HTR2C: variants seen among roughly 807,000 people sequenced by gnomAD.
HTR2C encodes 5-hydroxytryptamine (serotonin) receptor 2C, G protein-coupled.
HTR2C carries 5 observed loss-of-function variants against 21.0 expected under a neutral mutation model. The observed-to-expected ratio is 0.24, with a 90% CI of 0.12 to 0.50. The LOEUF (loss-of-function observed/expected upper bound fraction) is 0.50, where lower values mean the gene tolerates loss of function less well. Ranked by LOEUF, HTR2C falls within the 20% of genes least tolerant of loss-of-function variation. The pLI, the probability that HTR2C is intolerant of heterozygous loss-of-function variation, is 0.98. For synonymous variants in HTR2C, 150 were observed against 145.3 expected, an observed-to-expected ratio of 1.03 and a Z score of -0.23; for missense variants, 271 against 371.2, an observed-to-expected ratio of 0.73 and a Z score of 2.22.
intron 4 of HTR2C, 150 bp from the exon 5 acceptor site, chrX:114,847,853 C>A: frequency 2.3e-6 from 1 of 427,356 alleles, no homozygotes; most frequent in Non-Finnish European, 4.0e-6. Flanking sequence ...TCATGATCAC[C>A]ATCATCATCC....
intron 2 of HTR2C, among the ~76,000 whole-genome samples, chrX:114,702,393 G>T (rs1932560902): frequency 9.1e-6 from 1 of 109,768 alleles, no homozygotes; most frequent in African/African-American, 3.3e-5. Context: ...AGAAGAGAGT[G>T]GGGGCCAATA....
chrX:114,807,118 T>C (rs149266812), intron 4 of HTR2C, among the ~76,000 whole-genome samples: 1,048 of 6,765 alleles, frequency 0.15, 419 homozygotes, highest in East Asian at 0.4. Flanking sequence ...TGTATATATA[T>C]ACCATATATA....
intron 2 of HTR2C, among the ~76,000 whole-genome samples, chrX:114,643,415 T>A (rs1350972185): frequency 9.0e-6 from 1 of 111,440 alleles, no homozygotes; most frequent in East Asian, 2.8e-4. Flanking sequence ...GCAAACTTCT[T>A]ATTGCCATAA....
chrX:114,786,362 A>G (rs782560623), intron 4 of HTR2C, among the ~76,000 whole-genome samples: 3 of 112,313 alleles, frequency 2.7e-5, no homozygotes, highest in Non-Finnish European at 3.8e-5. Context: ...ACCAAGATCC[A>G]TATAAAAGAA....
At chrX:114,820,568 C>G (rs1411229949) in intron 4 of HTR2C, among the ~76,000 whole-genome samples, 1 of 110,623 alleles carries the variant, frequency 9.0e-6, no homozygotes, top group Non-Finnish European at 1.9e-5. Context: ...TGAATTGTAT[C>G]TCCCAGAATT....
chrX:114,791,526 C>T (rs1341482821), intron 4 of HTR2C, among the ~76,000 whole-genome samples: 1 of 111,192 alleles, frequency 9.0e-6, no homozygotes, highest in Non-Finnish European at 1.9e-5. Context: ...TGGAAAATTT[C>T]CTCCCACTCC....
At chrX:114,752,538 C>T (rs1249957025) in intron 4 of HTR2C, among the ~76,000 whole-genome samples, 1 of 110,867 alleles carries the variant, frequency 9.0e-6, no homozygotes, top group Admixed American at 9.7e-5. Context: ...TGCAATTCAC[C>T]GAAGACTATC....
At chrX:114,796,091 A>G (rs1389671457) in intron 4 of HTR2C, among the ~76,000 whole-genome samples, 1 of 111,655 alleles carries the variant, frequency 9.0e-6, no homozygotes. Flanking sequence ...CCAAGATCTT[A>G]GGATACTTAT....
intron 5 of HTR2C, among the ~76,000 whole-genome samples, chrX:114,863,139 C>A (rs782508022): frequency 9.0e-6 from 1 of 111,602 alleles, no homozygotes; most frequent in South Asian, 3.7e-4. Flanking sequence ...ATAAATAATG[C>A]TACAATAAAC....
At chrX:114,675,114 A>C (rs150071704) in intron 2 of HTR2C, among the ~76,000 whole-genome samples, 2,044 of 112,150 alleles carry the variant, frequency 0.018, 53 homozygotes, top group African/African-American at 0.063. Flanking sequence ...ATTTTCTTCA[A>C]CATAGATGTA....
intron 2 of HTR2C, among the ~76,000 whole-genome samples, chrX:114,726,185 C>T (rs1159914016): frequency 4.4e-5 from 5 of 112,505 alleles, no homozygotes; most frequent in South Asian, 3.7e-4. Flanking sequence ...GGCATAGGAC[C>T]CTCGGAACCA....
At chrX:114,888,289 C>T (rs1211935109) in intron 5 of HTR2C, among the ~76,000 whole-genome samples, 2 of 111,672 alleles carry the variant, frequency 1.8e-5, no homozygotes, top group African/African-American at 6.5e-5. Flanking sequence ...AGCCATAGGT[C>T]TTTAGGCTTG....
chrX:114,834,443 T>C (rs1187773596), intron 4 of HTR2C, among the ~76,000 whole-genome samples: 8 of 109,047 alleles, frequency 7.3e-5, no homozygotes. Flanking sequence ...TTGATCCCTT[T>C]ACCATTATGT....
chrX:114,716,364 G>A (rs1932996448), intron 2 of HTR2C, among the ~76,000 whole-genome samples: 2 of 112,343 alleles, frequency 1.8e-5, no homozygotes, highest in African/African-American at 6.4e-5. Context: ...GTTAACTGTT[G>A]TGTGAATTCG....
chrX:114,671,301 A>G (rs1447165524), intron 2 of HTR2C, among the ~76,000 whole-genome samples: 2 of 112,314 alleles, frequency 1.8e-5, no homozygotes, highest in African/African-American at 6.5e-5. Context: ...TTAAATGAAT[A>G]TTGAATTAAA....
chrX:114,673,580 C>A (rs1185367962), intron 2 of HTR2C, among the ~76,000 whole-genome samples: 1 of 111,269 alleles, frequency 9.0e-6, no homozygotes, highest in African/African-American at 3.3e-5. Context: ...TACAGTAGAT[C>A]TGGCATCATA....
chrX:114,779,398 A>G (rs1172173924), intron 4 of HTR2C, among the ~76,000 whole-genome samples: 3 of 73,574 alleles, frequency 4.1e-5, no homozygotes, highest in Non-Finnish European at 7.7e-5. Context: ...ACCTACAACC[A>G]TTACAACCAC....
chrX:114,727,988 A>G (rs2069499637), intron 3 of HTR2C, among the ~76,000 whole-genome samples: 1 of 111,857 alleles, frequency 8.9e-6, no homozygotes, highest in African/African-American at 3.2e-5. Context: ...GTATATAGCC[A>G]TTGGCCCATA....
At chrX:114,736,846 C>G (rs2069594621) in intron 4 of HTR2C, among the ~76,000 whole-genome samples, 1 of 111,504 alleles carries the variant, frequency 9.0e-6, no homozygotes, top group Admixed American at 9.5e-5. Context: ...ACAACAAAAG[C>G]TTTAATATCA....
Sources: allele counts gnomAD v4.1 joint callset (sites outside exome capture counted in the v4.1 genomes callset), GRCh38; gene constraint gnomAD v4.1.1; transcripts MANE v1.5; gene names NCBI Gene and HGNC (gene_info 2026-07-23, HGNC 2026-07-21).